The following GABRG1 variants were observed in gnomAD, a reference collection of about 807,000 sequenced individuals.
GABRG1 encodes gamma-aminobutyric acid type A receptor subunit gamma1.
A neutral mutation model predicts 49.8 loss-of-function variants in GABRG1; 49 were observed. The observed-to-expected ratio is 0.98, with a 90% confidence interval of 0.78 to 1.25. The LOEUF is 1.25. Among genes scored for constraint, GABRG1 ranks in the 50% most tolerant of loss-of-function variants. The probability of loss-of-function intolerance (pLI) is 0.00; values close to 1 mark genes in which losing one functional copy is unlikely to be tolerated. For synonymous variants in GABRG1, 232 were observed against 185.1 expected, an observed-to-expected ratio of 1.25 and a Z score of -2.06; for missense variants, 552 against 552.3, an observed-to-expected ratio of 1.00 and a Z score of 0.01.
chr4:46,120,227 G>A (rs1389765320), intron 1 of GABRG1, among the ~76,000 whole-genome samples: 1 of 151,662 alleles, frequency 6.6e-6, no homozygotes, highest in Non-Finnish European at 1.5e-5. Context: ...TTTCATGGAA[G>A]TCATTTATCA....
At chr4:46,097,169 A>C (rs1720192224) in intron 2 of GABRG1, 32 bp downstream of exon 2, 2 of 1,576,864 alleles carry the variant, frequency 1.3e-6, no homozygotes, top group Non-Finnish European at 8.6e-7. Flanking sequence ...TTTAATGGTC[A>C]TCAAAATCCC....
chr4:46,038,465 G>A lies in GABRG1; in HGVS notation c.*2523C>T, dbSNP rs1323013041. The A allele has an allele frequency of 1.3e-5, 2 of 151,374 alleles. No homozygotes were observed. Among genetic ancestry groups the A allele is most frequent in the African/African-American group, 4.8e-5 (2 of 41,306 alleles). 9.4% of individuals were successfully genotyped at this position (151,374 alleles called of 1,614,324 possible). ...ATATCTAATTTTGGGGTCTATGTTA[G>A]CATTAAAAACATTGAAAGCATCCAG... is the stretch of plus-strand genomic sequence containing the variant. On this transcript the variant is annotated 3_prime_UTR_variant, in exon 9 of 9. Transcript: ENST00000295452.
In GABRG1 at chr4:46,037,708, C is replaced by T. The variant is rs1717583752; in HGVS notation, c.*3280G>A. On this transcript the variant is annotated 3_prime_UTR_variant, in exon 9 of 9. Transcript: ENST00000295452. The stretch of plus-strand genomic sequence containing the variant: ...TGCATGTATTTATTCATTCGTTATA[C>T]ATTTACTTAAATACTGGTTATTTAT... The T allele has an allele frequency of 1.3e-5, 2 of 151,684 alleles. No homozygotes were observed. The highest frequency in any genetic ancestry group is 4.8e-5 in the African/African-American group (2 of 41,374). 9.4% of individuals were successfully genotyped at this position (151,684 alleles called of 1,614,324 possible). A position where few individuals can be genotyped will look rare whatever the true frequency, so the allele number is the denominator to read the frequency against.
At chr4:46,115,402 T>A (rs2109443736) in intron 1 of GABRG1, among the ~76,000 whole-genome samples, 1 of 150,832 alleles carries the variant, frequency 6.6e-6, no homozygotes, top group African/African-American at 2.4e-5. Flanking sequence ...AAAATTAGAT[T>A]CCCACCTTAC....
chr4:46,094,149 G>T (rs1452847952), intron 2 of GABRG1, among the ~76,000 whole-genome samples: 2 of 151,798 alleles, frequency 1.3e-5, no homozygotes, highest in African/African-American at 2.4e-5. Context: ...AATTCCCTGT[G>T]TCTTCATCTC....
chr4:46,058,701 C>A, intron 5 of GABRG1, 79 bp from the exon 6 acceptor site: 2 of 1,113,504 alleles, frequency 1.8e-6, no homozygotes, highest in East Asian at 2.4e-5. Flanking sequence ...AAGGTAGATT[C>A]TTGGAACTTT....
At chr4:46,082,113 G>A (rs1719598131) in intron 3 of GABRG1, among the ~76,000 whole-genome samples, 1 of 151,608 alleles carries the variant, frequency 6.6e-6, no homozygotes, top group Non-Finnish European at 1.5e-5. Context: ...CACAGAAATG[G>A]GATTATTAGC....
intron 7 of GABRG1, among the ~76,000 whole-genome samples, chr4:46,052,857 T>C (rs536722262): frequency 6.6e-6 from 1 of 152,046 alleles, no homozygotes; most frequent in Non-Finnish European, 1.5e-5. Context: ...CTTCCCCTCA[T>C]GTCTCCATTG....
chr4:46,097,136 A>G, intron 2 of GABRG1, 65 bp downstream of exon 2: 1 of 1,316,568 alleles, frequency 7.6e-7, no homozygotes. Flanking sequence ...AATAATGATT[A>G]AAATAGTACC....
chr4:46,107,545 C>A (rs1720591209), intron 1 of GABRG1, among the ~76,000 whole-genome samples: 1 of 150,856 alleles, frequency 6.6e-6, no homozygotes, highest in Non-Finnish European at 1.5e-5. Context: ...TTCCCACCCT[C>A]CTTCTTTTTC....
At chr4:46,070,057 G>T (rs1719060316) in intron 3 of GABRG1, among the ~76,000 whole-genome samples, 1 of 151,934 alleles carries the variant, frequency 6.6e-6, no homozygotes, top group African/African-American at 2.4e-5. Flanking sequence ...TAATGAAAAA[G>T]TAGACATCTT....
chr4:46,102,152 G>A (rs1720401447), intron 1 of GABRG1, among the ~76,000 whole-genome samples: 1 of 151,514 alleles, frequency 6.6e-6, no homozygotes, highest in Non-Finnish European at 1.5e-5. Flanking sequence ...TTTAGAGAGA[G>A]GTAGAATATC....
intron 8 of GABRG1, among the ~76,000 whole-genome samples, chr4:46,042,401 G>A (rs150803989): frequency 7.2e-5 from 11 of 151,876 alleles, no homozygotes; most frequent in East Asian, 5.8e-4. Context: ...GCAATTCTTC[G>A]TTTTTCAGAA....
At chr4:46,112,769 G>A (rs9654073) in intron 1 of GABRG1, among the ~76,000 whole-genome samples, 7,746 of 151,026 alleles carry the variant, frequency 0.051, 666 homozygotes, top group African/African-American at 0.18. Context: ...AAGGCAATGG[G>A]GACTATTAGA....
chr4:46,087,014 T>G (rs1719787550), intron 2 of GABRG1, among the ~76,000 whole-genome samples: 1 of 151,740 alleles, frequency 6.6e-6, no homozygotes, highest in African/African-American at 2.4e-5. Context: ...TGCAAATAAT[T>G]GTTTCTCATA....
In GABRG1 at chr4:46,037,457, C is replaced by T. The variant is rs995485805; in HGVS notation, c.*3531G>A. On this transcript the variant is annotated 3_prime_UTR_variant, in exon 9 of 9. Coordinates refer to ENST00000295452, the MANE Select transcript of GABRG1 (RefSeq NM_173536.4). ...GGAAATACCAAGTATGTCTTGCCAT[C>T]ATACGGTACAGCACTGAGAAGCTGA... is the stretch of plus-strand genomic sequence containing the variant. 5.3e-5 allele frequency: 8 copies of T among 151,684 alleles called. No individual in the cohort carries two copies. The highest frequency in any genetic ancestry group is 1.0e-4 in the Non-Finnish European group (7 of 67,832). The allele number at this position is 151,684 out of a possible 1,614,324, so 9.4% of individuals were successfully genotyped here.
intron 2 of GABRG1, among the ~76,000 whole-genome samples, chr4:46,085,346 A>T (rs1179029522): frequency 3.3e-5 from 5 of 151,622 alleles, no homozygotes; most frequent in African/African-American, 1.2e-4. Context: ...GCATTTTAGC[A>T]TGAGTTACAT....
intron 8 of GABRG1, among the ~76,000 whole-genome samples, chr4:46,047,362 T>A (rs1207789059): frequency 6.6e-6 from 1 of 152,096 alleles, no homozygotes; most frequent in Non-Finnish European, 1.5e-5. Context: ...AACTTTTTCT[T>A]CAAAAAATTA....
chr4:46,050,603 A>C (rs1191272196), intron 8 of GABRG1, among the ~76,000 whole-genome samples: 1 of 151,824 alleles, frequency 6.6e-6, no homozygotes, highest in Non-Finnish European at 1.5e-5. Flanking sequence ...ATTTTAGAAA[A>C]ATAAATGTCT....
Sources: allele counts gnomAD v4.1 joint callset (sites outside exome capture counted in the v4.1 genomes callset), GRCh38; gene constraint gnomAD v4.1.1; transcripts MANE v1.5; gene names NCBI Gene and HGNC (gene_info 2026-07-23, HGNC 2026-07-21).